Variants in MS4A2 observed in about 807,000 individuals in gnomAD.
The protein encoded by MS4A2 is membrane spanning 4-domains A2.
In MS4A2, 26 loss-of-function variants were observed where a neutral mutation model predicts 27.9. The ratio of observed to expected loss-of-function variants is 0.93; its 90% CI spans 0.68 to 1.29. The LOEUF is 1.29. Ranked by LOEUF, MS4A2 falls within the 50% of genes most tolerant of loss-of-function variation. The pLI is 0.00. For synonymous variants in MS4A2, 110 were observed against 98.8 expected, an observed-to-expected ratio of 1.11 and a Z score of -0.67; for missense variants, 284 against 284.6, an observed-to-expected ratio of 1.00 and a Z score of 0.01.
intron 3 of MS4A2, 101 bp from the exon 4 acceptor site, chr11:60,092,691 C>G: frequency 3.0e-6 from 3 of 1,008,776 alleles, no homozygotes; most frequent in Non-Finnish European, 4.6e-6. Context: ...GTAACTTTAT[C>G]GAGTACCCCA....
At chr11:60,089,306 T>C (rs1407104474) in intron 1 of MS4A2, among the ~76,000 whole-genome samples, 2 of 152,202 alleles carry the variant, frequency 1.3e-5, no homozygotes, top group African/African-American at 4.8e-5. Flanking sequence ...CACATGAAGT[T>C]GGGGTTTGTT....
chr11:60,095,564 G>GA lies in MS4A2; in HGVS notation c.644dup (p.Asp216GlyfsTer5), dbSNP rs1196988544. 1 of 1,606,994 alleles carries GA rather than the reference G, an allele frequency of 6.2e-7. No individual in the cohort carries two copies. Among genetic ancestry groups the GA allele is most frequent in the South Asian group, 1.1e-5 (1 of 90,890 alleles). On this transcript the variant is annotated frameshift_variant, in exon 7 of 7. Coordinates refer to ENST00000278888, the MANE Select transcript of MS4A2 (RefSeq NM_000139.5). LOFTEE classifies it high-confidence loss of function. ...ATGATTTTTCCCTTATCAGGTTCCA[G>GA]AGGATCGTGTTTATGAAGAATTAAA...
intron 2 of MS4A2, among the ~76,000 whole-genome samples, 161 bp downstream of exon 2, chr11:60,089,982 G>C (rs17860451): frequency 4.6e-5 from 7 of 152,226 alleles, no homozygotes; most frequent in Non-Finnish European, 1.0e-4. Flanking sequence ...CTTTTGGGAA[G>C]AGAGAAGCAT....
rs1299645766 is a variant in MS4A2 at position 60,095,958 on chromosome 11, GAAA to G, written c.*307_*309del. ...GTTTGATTATAACTGTGCAAATACA[GAAA>G]AAAAGAAGGCTGGCTGAAAGTTGAG... On this transcript the variant is annotated 3_prime_UTR_variant, in exon 7 of 7. Transcript: ENST00000278888. 1.9e-5 allele frequency: 5 copies of G among 256,660 alleles called. No individual in the cohort carries two copies. Among genetic ancestry groups the G allele is most frequent in the African/African-American group, 6.9e-5 (3 of 43,732 alleles). 15.9% of individuals were successfully genotyped at this position (256,660 alleles called of 1,614,324 possible).
At chr11:60,093,178 G>A (rs1335135106) in intron 4 of MS4A2, among the ~76,000 whole-genome samples, 1 of 152,198 alleles carries the variant, frequency 6.6e-6, no homozygotes, top group African/African-American at 2.4e-5. Context: ...GAGAATATTT[G>A]AGGAAAGACC....
At position 60,098,406 on chromosome 11, in the gene MS4A2, G is replaced by A. The variant is rs926975640; in HGVS notation, c.*2750G>A. 1 of 152,092 alleles carries A rather than the reference G, an allele frequency of 6.6e-6. No individual in the cohort carries two copies. Among genetic ancestry groups the A allele is most frequent in the Non-Finnish European group, 1.5e-5 (1 of 68,024 alleles). The allele number at this position is 152,092 out of a possible 1,614,324, so 9.4% of individuals were successfully genotyped here. A position where few individuals can be genotyped will look rare whatever the true frequency, so the allele number is the denominator to read the frequency against. On this transcript the variant is annotated 3_prime_UTR_variant, in exon 7 of 7. Coordinates refer to ENST00000278888, the MANE Select transcript of MS4A2 (RefSeq NM_000139.5). ...TATCATTAATTATTAGTGTGCTTGT[G>A]ACCTCCTTATGTATTCTCAATTACC...
At chr11:60,088,488 G>A (rs762875229), upstream of MS4A2, 76 of 652,412 alleles carry the variant, frequency 1.2e-4, no homozygotes, top group Non-Finnish European at 1.6e-4. Context: ...GCTAGTCTCA[G>A]GCAAAATTAT....
At position 60,093,513 on chromosome 11, in the gene MS4A2, C is replaced by A. The variant is rs1235778884; in HGVS notation, c.492C>A (p.Cys164Ter). Residue 164 changes from cysteine to a stop codon, truncating the protein, a stop_gained, in exon 5 of 7, where the codon TGC (cysteine) becomes TGA (stop). Coordinates refer to ENST00000278888, the MANE Select transcript of MS4A2 (RefSeq NM_000139.5). LOFTEE classifies it high-confidence loss of function. Reference protein sequence around the residue: ...KSLAYIHIHSCQKFFETKCFM... With the variant: ...KSLAYIHIHS Reference sequence around the variant, plus strand: ...TGGCCTATATCCACATCCACAGTTGCCAGAAATTTTTTGAGACCAAGTGCT... The same window carrying A: ...TGGCCTATATCCACATCCACAGTTGACAGAAATTTTTTGAGACCAAGTGCT... 1.2e-6 allele frequency: 2 copies of A among 1,614,038 alleles called. No homozygotes were observed. Among genetic ancestry groups the A allele is most frequent in the Admixed American group, 3.3e-5 (2 of 60,008 alleles).
At chr11:60,093,192 C>T (rs529815147) in intron 4 of MS4A2, among the ~76,000 whole-genome samples, 7 of 152,280 alleles carry the variant, frequency 4.6e-5, no homozygotes, top group South Asian at 2.1e-4. Flanking sequence ...AAAGACCGTA[C>T]GTGTTCATGT....
At chr11:60,090,533 A>T in intron 3 of MS4A2, 63 bp downstream of exon 3, 1 of 1,500,428 alleles carries the variant, frequency 6.7e-7, no homozygotes, top group Non-Finnish European at 9.2e-7. Flanking sequence ...TCTTTCTCAG[A>T]TCTAACCAGT....
upstream of MS4A2, chr11:60,088,582 G>A (rs1298621922): frequency 1.4e-6 from 2 of 1,428,544 alleles, no homozygotes; most frequent in Admixed American, 2.8e-5. Context: ...ACAAGTAAAA[G>A]CCTGTTGATC....
chr11:60,095,300 C>T (rs1349294069), intron 6 of MS4A2, among the ~76,000 whole-genome samples: 2 of 152,066 alleles, frequency 1.3e-5, no homozygotes, highest in Non-Finnish European at 2.9e-5. Context: ...CACTCTCTTC[C>T]AAAGATAGAT....
At chr11:60,089,145 C>T (rs748399037) in intron 1 of MS4A2, among the ~76,000 whole-genome samples, 5 of 152,118 alleles carry the variant, frequency 3.3e-5, no homozygotes, top group Non-Finnish European at 5.9e-5. Flanking sequence ...GACACATATC[C>T]TTCACACATG....
In MS4A2 at chr11:60,097,118, C is replaced by T. The variant is rs937546337; in HGVS notation, c.*1462C>T. On this transcript the variant is annotated 3_prime_UTR_variant, in exon 7 of 7. Transcript: ENST00000278888. ...ATCATTATTAAATGAAGCAAGTTAACACTCTAAGAGAATTATTTTGAGATA... is the reference window on the plus strand; with the variant it reads ...ATCATTATTAAATGAAGCAAGTTAATACTCTAAGAGAATTATTTTGAGATA... 6.6e-6 allele frequency: 1 copy of T among 152,022 alleles called. No individual in the cohort carries two copies. The highest frequency in any genetic ancestry group is 2.4e-5 in the African/African-American group (1 of 41,388). 9.4% of individuals were successfully genotyped at this position (152,022 alleles called of 1,614,324 possible).
At chr11:60,093,346 T>C in intron 4 of MS4A2, 54 bp from the exon 5 acceptor site, 1 of 1,611,534 alleles carries the variant, frequency 6.2e-7, no homozygotes, top group South Asian at 1.1e-5. Flanking sequence ...GATAGGTTTA[T>C]TGAATGTGCC....
At position 60,098,384 on chromosome 11, in the gene MS4A2, C is replaced by CATTA. The variant is rs1178078936; in HGVS notation, c.*2733_*2736dup. On this transcript the variant is annotated 3_prime_UTR_variant, in exon 7 of 7. Coordinates refer to ENST00000278888, the MANE Select transcript of MS4A2 (RefSeq NM_000139.5). ...TCTATCCCACGATGCAGTATTGTAT[C>CATTA]ATTAATTATTAGTGTGCTTGTGACC... The CATTA allele has an allele frequency of 6.6e-6, 1 of 152,202 alleles. No homozygotes were observed. Among genetic ancestry groups the CATTA allele is most frequent in the Non-Finnish European group, 1.5e-5 (1 of 68,036 alleles). The allele number at this position is 152,202 out of a possible 1,614,324, so 9.4% of individuals were successfully genotyped here. A position where few individuals can be genotyped will look rare whatever the true frequency, so the allele number is the denominator to read the frequency against.
chr11:60,092,493 AC>A (rs769330040), intron 3 of MS4A2, among the ~76,000 whole-genome samples: 5 of 151,858 alleles, frequency 3.3e-5, no homozygotes, highest in Admixed American at 6.6e-5. Context: ...ACAGGGTTTC[AC>A]CATTTTGGTC....
chr11:60,098,169 T>G lies in MS4A2; in HGVS notation c.*2513T>G, dbSNP rs544380172. On this transcript the variant is annotated 3_prime_UTR_variant, in exon 7 of 7. Transcript: ENST00000278888. ...TTTTTTCTCAAGATCATTCTGAGAG[T>G]TGCCCCACCCTACCTGCCTTTTATA... The G allele has an allele frequency of 3.3e-5, 5 of 152,146 alleles. No individual in the cohort carries two copies. The highest frequency in any genetic ancestry group is 5.9e-5 in the Non-Finnish European group (4 of 68,020). 9.4% of individuals were successfully genotyped at this position (152,146 alleles called of 1,614,324 possible).
At position 60,097,545 on chromosome 11, in the gene MS4A2, G is replaced by A. The variant is rs556183739; in HGVS notation, c.*1889G>A. 1 of 152,250 alleles carries A rather than the reference G, an allele frequency of 6.6e-6. No homozygotes were observed. The highest frequency in any genetic ancestry group is 1.5e-5 in the Non-Finnish European group (1 of 68,016). The allele number at this position is 152,250 out of a possible 1,614,324, so 9.4% of individuals were successfully genotyped here. On this transcript the variant is annotated 3_prime_UTR_variant, in exon 7 of 7. Coordinates refer to ENST00000278888, the MANE Select transcript of MS4A2 (RefSeq NM_000139.5). ...ATAAGATAGTTGATTATGAATAGAA[G>A]GTAGTGAAGAAAAGCAAGCTAAGAA... is the stretch of plus-strand genomic sequence containing the variant.
Sources: allele counts gnomAD v4.1 joint callset (sites outside exome capture counted in the v4.1 genomes callset), GRCh38; gene constraint gnomAD v4.1.1; transcripts MANE v1.5; gene names NCBI Gene and HGNC (gene_info 2026-07-23, HGNC 2026-07-21).